Variants in NUP210 observed in about 807,000 individuals in gnomAD.
The protein encoded by NUP210 is nuclear pore membrane glycoprotein 210.
A neutral mutation model predicts 196.0 loss-of-function variants in NUP210; 151 were observed. The ratio of observed to expected loss-of-function variants is 0.77; its 90% CI spans 0.67 to 0.88. The LOEUF is 0.88. Among genes scored for constraint, NUP210 ranks in the 40% least tolerant of loss-of-function variants. NUP210 has a pLI of 0.00. For synonymous variants in NUP210, 1,070 were observed against 1,052.7 expected (o/e 1.02, Z -0.32); for missense variants, 2,314 against 2,493.7 (o/e 0.93, Z 1.53).
At position 13,366,026 on chromosome 3, in the gene NUP210, T is replaced by C. The variant is rs1698518717; in HGVS notation, c.1852A>G (p.Thr618Ala). The change falls in exon 14 of 40, where the codon ACC becomes GCC. Residue 618 changes from threonine to alanine, a missense_variant. Coordinates refer to ENST00000254508, the MANE Select transcript of NUP210 (RefSeq NM_024923.4). Reference sequence around the variant, plus strand: ...TGTCTGTAGCTCACAAGAAGCGTGGTAGAGCCCTGGGCCTCGGCCTTTACC... The same window carrying C: ...TGTCTGTAGCTCACAAGAAGCGTGGCAGAGCCCTGGGCCTCGGCCTTTACC... The part of the protein sequence containing the change: ...IRVKAEAQGS[T>A]TLLVSYRHGH... 6.8e-6 allele frequency: 11 copies of C among 1,614,184 alleles called. No homozygotes were observed. The highest frequency in any genetic ancestry group is 9.3e-6 in the Non-Finnish European group (11 of 1,180,008).
chr3:13,419,301 C>A (rs946943960), intron 1 of NUP210, among the ~76,000 whole-genome samples: 3 of 152,246 alleles, frequency 2.0e-5, no homozygotes, highest in African/African-American at 7.2e-5. Flanking sequence ...GCAGGAGCTC[C>A]ATTTCCCCTG....
intron 1 of NUP210, among the ~76,000 whole-genome samples, chr3:13,407,256 A>G (rs1700033496): frequency 6.6e-6 from 1 of 152,206 alleles, no homozygotes; most frequent in African/African-American, 2.4e-5. Flanking sequence ...TGCTTTTTAA[A>G]GAAAGGAGAA....
chr3:13,417,966 G>C (rs2124971528), intron 1 of NUP210, among the ~76,000 whole-genome samples: 1 of 152,348 alleles, frequency 6.6e-6, no homozygotes, highest in East Asian at 1.9e-4. Context: ...TACAGCTATA[G>C]AATCTCAGAG....
At chr3:13,393,876 C>T (rs1264809416) in intron 3 of NUP210, among the ~76,000 whole-genome samples, 1 of 152,216 alleles carries the variant, frequency 6.6e-6, no homozygotes, top group Non-Finnish European at 1.5e-5. Context: ...GGATCTACCT[C>T]CCCTGTCCTG....
intron 28 of NUP210, among the ~76,000 whole-genome samples, 163 bp from the exon 29 acceptor site, chr3:13,332,547 T>C (rs2124845997): frequency 6.6e-6 from 1 of 152,260 alleles, no homozygotes; most frequent in Middle Eastern, 3.4e-3. Context: ...AGGGCTGACC[T>C]TTAAGAGGCC....
chr3:13,395,387 G>A (rs756223622), intron 3 of NUP210, among the ~76,000 whole-genome samples: 4 of 152,148 alleles, frequency 2.6e-5, no homozygotes, highest in Non-Finnish European at 4.4e-5. Flanking sequence ...GTGCCATCTC[G>A]GCTCACTGCA....
At position 13,358,288 on chromosome 3, in the gene NUP210, G is replaced by A. The variant is rs941382213; in HGVS notation, c.2262C>T (p.Leu754=). The change falls in exon 16 of 40, where the codon CTC becomes CTT. Residue 754 remains leucine (L), a synonymous_variant. Coordinates refer to ENST00000254508, the MANE Select transcript of NUP210 (RefSeq NM_024923.4). ...FVCAPPSRLT[L]APVYTSPQLD... ...GCTGGGGGCTGGTGTAGACAGGCGCGAGGGTGAGCCTGGACGGTGGGGCGC... is the reference window on the plus strand; with the variant it reads ...GCTGGGGGCTGGTGTAGACAGGCGCAAGGGTGAGCCTGGACGGTGGGGCGC... 9.9e-6 allele frequency: 16 copies of A among 1,613,712 alleles called. No homozygotes were observed. The highest frequency in any genetic ancestry group is 2.7e-5 in the African/African-American group (2 of 74,904).
chr3:13,400,020 G>A (rs1016979941), intron 1 of NUP210, among the ~76,000 whole-genome samples, 159 bp from the exon 2 acceptor site: 1 of 152,180 alleles, frequency 6.6e-6, no homozygotes, highest in Non-Finnish European at 1.5e-5. Context: ...CAGAGGAGAC[G>A]TGGGGCCCTG....
intron 1 of NUP210, among the ~76,000 whole-genome samples, chr3:13,417,569 T>C (rs147347786): frequency 4.6e-5 from 7 of 152,278 alleles, no homozygotes; most frequent in African/African-American, 1.7e-4. Context: ...TCTTAAAATC[T>C]CCAGAGCAGA....
At position 13,358,270 on chromosome 3, in the gene NUP210, G is replaced by A. The variant is rs1383260536; in HGVS notation, c.2280C>T (p.Ser760=). 2 of 1,613,528 alleles carry A rather than the reference G, an allele frequency of 1.2e-6. No individual in the cohort carries two copies. The highest frequency in any genetic ancestry group is 8.5e-7 in the Non-Finnish European group (1 of 1,179,826). The change falls in exon 16 of 40, where the codon AGC becomes AGT. Residue 760 remains serine, a synonymous_variant. Transcript: ENST00000254508. ...SRLTLAPVYT[S]PQLDMSCPLL... is the part of the protein sequence containing the mutation. Reference sequence around the variant, plus strand: ...GCGGACAGGACATGTCCAGCTGGGGGCTGGTGTAGACAGGCGCGAGGGTGA... The same window carrying A: ...GCGGACAGGACATGTCCAGCTGGGGACTGGTGTAGACAGGCGCGAGGGTGA...
intron 1 of NUP210, among the ~76,000 whole-genome samples, chr3:13,410,833 G>A (rs1426329446): frequency 6.6e-6 from 1 of 151,170 alleles, no homozygotes; most frequent in African/African-American, 2.4e-5. Context: ...CAGGAGAATG[G>A]TGTGAACCCA....
At chr3:13,409,050 G>A (rs1559350141) in intron 1 of NUP210, among the ~76,000 whole-genome samples, 1 of 152,150 alleles carries the variant, frequency 6.6e-6, no homozygotes, top group Non-Finnish European at 1.5e-5. Context: ...TCCCCTGTAA[G>A]TCCAGGGTCT....
Position 13,373,706 on chromosome 3 carries a change from C to T in NUP210, c.1587+12G>A. The T allele has an allele frequency of 6.2e-7, 1 of 1,613,658 alleles. No homozygotes were observed. Among genetic ancestry groups the T allele is most frequent in the Non-Finnish European group, 8.5e-7 (1 of 1,179,612 alleles). ...GAGCCTCCCAGGGGGTGTCTTGGCC[C>T]TGAGATCTCACCTTCATCTCACCGA... is the stretch of plus-strand genomic sequence containing the variant. On this transcript the variant is annotated intron_variant, in intron 12 of 39. Coordinates refer to ENST00000254508, the MANE Select transcript of NUP210 (RefSeq NM_024923.4).
At chr3:13,354,351 T>G (rs186353648) in intron 16 of NUP210, 171 of 534,464 alleles carry the variant, frequency 3.2e-4, no homozygotes, top group African/African-American at 2.7e-3. Flanking sequence ...TAGGGGGCCT[T>G]CAGCAACACT....
intron 13 of NUP210, among the ~76,000 whole-genome samples, chr3:13,369,349 T>A (rs1698647570): frequency 6.6e-6 from 1 of 152,248 alleles, no homozygotes; most frequent in Admixed American, 6.5e-5. Flanking sequence ...AATTTGCAGA[T>A]GTTTTCTCCC....
At chr3:13,369,538 A>T (rs536047980) in intron 13 of NUP210, among the ~76,000 whole-genome samples, 1 of 152,158 alleles carries the variant, frequency 6.6e-6, no homozygotes, top group African/African-American at 2.4e-5. Context: ...TAGAAGTTTT[A>T]TAGTTTTCAA....
rs538913654 is a variant in NUP210 at position 13,319,386 on chromosome 3, G to A, written c.5384-61C>T. 2.7e-5 allele frequency: 36 copies of A among 1,357,288 alleles called. 1 individual carries two copies. Among genetic ancestry groups the A allele is most frequent in the African/African-American group, 7.2e-5 (5 of 69,648 alleles). The allele number at this position is 1,357,288 out of a possible 1,614,324, so 84.1% of individuals were successfully genotyped here. A position where few individuals can be genotyped will look rare whatever the true frequency, so the allele number is the denominator to read the frequency against. On this transcript the variant is annotated intron_variant, in intron 37 of 39. Transcript: ENST00000254508. ...CAGGCCCACTGTGGCATCCCATCAC[G>A]TTCCTGCCCTACTGTACGTCTACAG...
rs1696880066 is a variant in NUP210, at chr3:13,328,800, G to A, written c.4257C>T (p.His1419=). The A allele has an allele frequency of 1.2e-6, 2 of 1,614,064 alleles. No homozygotes were observed. The highest frequency in any genetic ancestry group is 1.1e-5 in the South Asian group (1 of 91,094). Reference sequence around the variant, plus strand: ...TAGTGGCAAAGTTGAGGACCGAACTGTGAGCATGGAAGACATCTCCAGAGT... The same window carrying A: ...TAGTGGCAAAGTTGAGGACCGAACTATGAGCATGGAAGACATCTCCAGAGT... The part of the protein sequence containing the change: ...HDNSGDVFHA[H]SSVLNFATNR... The change falls in exon 31 of 40, where the codon CAC becomes CAT. Residue 1419 remains histidine (H), a synonymous_variant. Coordinates refer to ENST00000254508, the MANE Select transcript of NUP210 (RefSeq NM_024923.4).
At chr3:13,368,937 A>G (rs2124906054) in intron 13 of NUP210, among the ~76,000 whole-genome samples, 1 of 152,308 alleles carries the variant, frequency 6.6e-6, no homozygotes, top group African/African-American at 2.4e-5. Context: ...ACACCTTTGG[A>G]TGTGCACCCA....
Sources: gnomAD v4.1 joint callset for allele counts (sites outside exome capture counted in the v4.1 genomes callset) on GRCh38, gnomAD v4.1.1 for gene constraint, MANE v1.5 for transcripts, NCBI Gene and HGNC (gene_info 2026-07-23, HGNC 2026-07-21) for gene names.